Variants in GCNA observed in about 807,000 individuals in gnomAD.
The protein encoded by GCNA is germ cell nuclear acidic protein.
Under a neutral mutation model 38.8 loss-of-function variants are expected in GCNA, and 3 were observed. The ratio of observed to expected loss-of-function variants is 0.08; its 90% CI spans 0.04 to 0.20. The LOEUF (loss-of-function observed/expected upper bound fraction) is 0.20. GCNA is among the 10% of genes least tolerant of loss of function. GCNA has a pLI of 1.00. For synonymous variants in GCNA, 195 were observed against 240.2 expected (o/e 0.81, Z 1.74); for missense variants, 446 against 578.6 (o/e 0.77, Z 2.35).
intron 6 of GCNA, among the ~76,000 whole-genome samples, chrX:71,596,519 A>G (rs748303733): frequency 8.9e-5 from 10 of 112,126 alleles, no homozygotes; most frequent in African/African-American, 2.9e-4. Flanking sequence ...GTATAATATT[A>G]TACATAATGA....
intron 4 of GCNA, among the ~76,000 whole-genome samples, chrX:71,594,036 A>G (rs868462589): frequency 1.3e-4 from 14 of 111,603 alleles, no homozygotes; most frequent in African/African-American, 2.9e-4. Flanking sequence ...ACCTTTAAAT[A>G]GAAATAAATT....
intron 2 of GCNA, among the ~76,000 whole-genome samples, chrX:71,590,278 G>A (rs183321990): frequency 9.0e-6 from 1 of 111,667 alleles, no homozygotes; most frequent in African/African-American, 3.3e-5. Flanking sequence ...TTAGGGATTT[G>A]GGTGGGGCTC....
At position 71,604,265 on chromosome X, in the gene GCNA, G is replaced by C; in HGVS notation, c.988G>C (p.Asp330His). The C allele has an allele frequency of 2.5e-6, 3 of 1,212,554 alleles. No individual in the cohort carries two copies. The highest frequency in any genetic ancestry group is 3.3e-6 in the Non-Finnish European group (3 of 895,709). The part of the protein sequence containing the change: ...DDSDVPDDNS[D>H]DLEVPVPAED... Reference sequence around the variant, plus strand: ...TTCGGATGTTCCCGATGACAATAGTGATGATTTGGAAGTTCCTGTGCCAGC... The same window carrying C: ...TTCGGATGTTCCCGATGACAATAGTCATGATTTGGAAGTTCCTGTGCCAGC... The change falls in exon 8 of 13, where the codon GAT becomes CAT. Residue 330 changes from aspartate (D) to histidine (H), a missense_variant. Asp to His is a moderately conservative substitution (Grantham distance 81). Around this residue, in one of 7 missense-constraint regions of GCNA, gnomAD observed 160 missense variants for 165.2 expected, o/e 0.97. Transcript: ENST00000373696.
In GCNA at chrX:71,608,973, G is replaced by T. The variant is rs2040789447; in HGVS notation, c.1467G>T (p.Arg489Ser). The change falls in exon 10 of 13, where the codon AGG (arginine) becomes AGT (serine). Residue 489 changes from arginine (R) to serine (S), a missense_variant and splice_region_variant. By Grantham distance (110) the Arg-to-Ser change is moderately radical. Coordinates refer to ENST00000373696, the MANE Select transcript of GCNA (RefSeq NM_052957.5). ...GAAKVEKRKT[R>S]TPKCKVPGCF... ...ACCTCAGTTGAATTTATCTTTGCAG[G>T]ACTCCTAAATGCAAAGTCCCTGGAT... 1 of 1,207,051 alleles carries T rather than the reference G, an allele frequency of 8.3e-7. No individual in the cohort carries two copies. Among genetic ancestry groups the T allele is most frequent in the Non-Finnish European group, 1.1e-6 (1 of 893,696 alleles).
chrX:71,588,881 CT>C (rs10706633), intron 2 of GCNA, among the ~76,000 whole-genome samples: 24,036 of 106,602 alleles, frequency 0.23, 2,873 homozygotes, highest in East Asian at 0.48. Context: ...TCTTTTATAA[CT>C]TTTTTTTAAG....
Position 71,612,950 on chromosome X carries a change from A to G in GCNA, c.2044A>G (p.Lys682Glu), listed in dbSNP as rs1170175875. Residue 682 changes from lysine (K) to glutamate (E), a missense_variant, in exon 13 of 13, where the codon AAA becomes GAA. Transcript: ENST00000373696. ...TCTGGTCATGGTGCCATTAACTCAG[A>G]AAGATGGGACCCGTATTGTGCCCCA... ...GSLVMVPLTQ[K>E]DGTRIVPHV 8.3e-7 allele frequency: 1 copy of G among 1,211,791 alleles called. No individual in the cohort carries two copies. Among genetic ancestry groups the G allele is most frequent in the Admixed American group, 2.2e-5 (1 of 46,020 alleles).
intron 11 of GCNA, among the ~76,000 whole-genome samples, chrX:71,611,774 TA>T (rs2040812427): frequency 9.0e-6 from 1 of 111,254 alleles, no homozygotes; most frequent in East Asian, 2.8e-4. Flanking sequence ...AAGTGCCTCA[TA>T]AAAAAATGAG....
intron 8 of GCNA, among the ~76,000 whole-genome samples, chrX:71,604,892 G>C (rs765513500): frequency 8.9e-6 from 1 of 112,243 alleles, no homozygotes; most frequent in East Asian, 2.8e-4. Flanking sequence ...CTTAGTATTT[G>C]CTGTTCACTA....
rs1015679560 is a variant in GCNA at position 71,598,035 on chromosome X, G to A, written c.307G>A (p.Asp103Asn). The A allele has an allele frequency of 1.3e-5, 15 of 1,192,122 alleles. No homozygotes were observed. The highest frequency in any genetic ancestry group is 3.0e-5 in the East Asian group (1 of 33,736). ...KKAKLLEINS[D>N]DESPECCHVK... ...AGCTAAGTTATTGGAAATAAACAGC[G>A]ACGGCAAGTATATATTACTTTGTTA... The change falls in exon 7 of 13, where the codon GAC becomes AAC. Residue 103 changes from aspartate (D) to asparagine (N), a missense_variant. Physicochemically the swap from Asp to Asn is conservative, Grantham distance 23 (BLOSUM62 1). Coordinates refer to ENST00000373696, the MANE Select transcript of GCNA (RefSeq NM_052957.5).
intron 2 of GCNA, among the ~76,000 whole-genome samples, chrX:71,583,692 C>CTTT (rs753557808): frequency 5.8e-4 from 42 of 72,605 alleles, no homozygotes; most frequent in Non-Finnish European, 6.7e-4. Context: ...CTATTATATT[C>CTTT]TTTTTTTTTT....
At chrX:71,612,283 GAAAAAAAA>G (rs756270122) in intron 11 of GCNA, 64 bp from the exon 12 acceptor site, 42 of 294,833 alleles carry the variant, frequency 1.4e-4, no homozygotes, top group Non-Finnish European at 1.9e-4. Flanking sequence ...CTCAAAAAAG[GAAAAAAAA>G]AAAAAAAAAA....
Position 71,580,863 on chromosome X carries a change from G to A in GCNA, c.42G>A (p.Pro14=), listed in dbSNP as rs756664321. 3 of 1,199,121 alleles carry A rather than the reference G, an allele frequency of 2.5e-6. No homozygotes were observed. The highest frequency in any genetic ancestry group is 3.0e-5 in the East Asian group (1 of 33,392). ...CKKELPRLQE[P]EEDEDCYILN... ...AAGAGCTGCCCCGCTTGCAAGAGCC[G>A]GAGGAGGACGAGGATTGGTGAGATT... The change falls in exon 2 of 13, where the codon CCG becomes CCA. Residue 14 remains proline, a synonymous_variant. Coordinates refer to ENST00000373696, the MANE Select transcript of GCNA (RefSeq NM_052957.5).
chrX:71,603,488 G>A lies in GCNA; in HGVS notation c.311-100G>A, dbSNP rs978876744. The A allele has an allele frequency of 1.2e-5, 13 of 1,099,541 alleles. No individual in the cohort carries two copies. In the Admixed American group the frequency reaches 1.8e-4, roughly 15 times the overall value. 90.6% of individuals were successfully genotyped at this position (1,099,541 alleles called of 1,213,427 possible). A position where few individuals can be genotyped will look rare whatever the true frequency, so the allele number is the denominator to read the frequency against. On this transcript the variant is annotated intron_variant, in intron 7 of 12. Coordinates refer to ENST00000373696, the MANE Select transcript of GCNA (RefSeq NM_052957.5). Reference sequence around the variant, plus strand: ...TGCTATTCAAAATGTCACAGTTCCTGTCTTGTTTAATTTGTGCTAAATAAT... The same window carrying A: ...TGCTATTCAAAATGTCACAGTTCCTATCTTGTTTAATTTGTGCTAAATAAT...
At chrX:71,596,018 C>T (rs919924119) in intron 6 of GCNA, among the ~76,000 whole-genome samples, 20 of 111,759 alleles carry the variant, frequency 1.8e-4, no homozygotes, top group African/African-American at 6.5e-4. Context: ...GAGTTCAAGA[C>T]CAGCCTGGCC....
At chrX:71,580,676 G>A (rs887227551) in intron 1 of GCNA, 144 bp from the exon 2 acceptor site, 10 of 466,656 alleles carry the variant, frequency 2.1e-5, no homozygotes, top group East Asian at 2.1e-4. Flanking sequence ...GGGTTTCACC[G>A]TGTTAGCCAG....
chrX:71,609,238 T>G, intron 10 of GCNA, 121 bp downstream of exon 10: 1 of 668,853 alleles, frequency 1.5e-6, no homozygotes, highest in Non-Finnish European at 2.3e-6. Context: ...GGTTGGGAGA[T>G]GAGCCCTGGT....
chrX:71,578,932 G>T (rs2040522665), intron 1 of GCNA, among the ~76,000 whole-genome samples: 1 of 106,394 alleles, frequency 9.4e-6, no homozygotes. Flanking sequence ...AGGGGCACCA[G>T]TGGCGGCGTT....
intron 2 of GCNA, among the ~76,000 whole-genome samples, chrX:71,587,870 A>T (rs1216513138): frequency 9.0e-6 from 1 of 110,960 alleles, no homozygotes; most frequent in Non-Finnish European, 1.9e-5. Context: ...ACTCACTGCA[A>T]CCTCTGTCTC....
intron 2 of GCNA, among the ~76,000 whole-genome samples, chrX:71,589,450 CTTTTTTTTTTTTTTT>C (rs371046758): frequency 2.7e-4 from 10 of 37,698 alleles, no homozygotes; most frequent in South Asian, 5.6e-3. Context: ...CATATATTTC[CTTTTTTTTTTTTTTT>C]TTTTTTTTTT....
Sources: gnomAD v4.1 joint callset for allele counts (sites outside exome capture counted in the v4.1 genomes callset) on GRCh38, gnomAD v4.1.1 for gene constraint, gnomAD v4.1.1 regional missense constraint, MANE v1.5 for transcripts, NCBI Gene and HGNC (gene_info 2026-07-23, HGNC 2026-07-21) for gene names.